STOX2: variants seen among roughly 807,000 people sequenced by gnomAD.
The protein encoded by STOX2 is storkhead box 2.
Under a neutral mutation model 60.9 loss-of-function variants are expected in STOX2, and 28 were observed. That is an observed-to-expected ratio of 0.46 (90% CI 0.34 to 0.63). The LOEUF (loss-of-function observed/expected upper bound fraction) is 0.63, where lower values mean the gene tolerates loss of function less well. Among genes scored for constraint, STOX2 ranks in the 30% least tolerant of loss-of-function variants. STOX2 has a pLI of 0.01. For synonymous variants in STOX2, 472 were observed against 463.9 expected (o/e 1.02, Z -0.22); for missense variants, 1,024 against 1,187.7 (o/e 0.86, Z 2.03).
chr4:183,999,505 ATCC>A (rs1297570427), intron 1 of STOX2, among the ~76,000 whole-genome samples: 1 of 152,064 alleles, frequency 6.6e-6, no homozygotes, highest in Non-Finnish European at 1.5e-5. Flanking sequence ...ACAACGTCTT[ATCC>A]TCCTCATATC....
intron 1 of STOX2, among the ~76,000 whole-genome samples, chr4:183,886,849 A>G (rs899787371): frequency 1.3e-5 from 2 of 152,182 alleles, no homozygotes; most frequent in Non-Finnish European, 2.9e-5. Flanking sequence ...CCTCCCACAG[A>G]TGTGCATTCA....
rs1446639591 is a variant in STOX2 at position 184,010,791 on chromosome 4, G to A, written c.1953G>A (p.Val651=). The change falls in exon 3 of 4, where the codon GTG becomes GTA. Residue 651 remains valine, a synonymous_variant. Transcript: ENST00000308497. This position sits in a 1 kb window ranked among gnomAD's most constrained non-coding sequence, Gnocchi z 4.5. ...TCCCCCACTCCTCCAGGGAGCCTGTGGGGCACAAGGAGGAGTCACCAAAAG... is the reference window on the plus strand; with the variant it reads ...TCCCCCACTCCTCCAGGGAGCCTGTAGGGCACAAGGAGGAGTCACCAAAAG... ...RQVPHSSREP[V]GHKEESPKGP... 5 of 1,580,424 alleles carry A rather than the reference G, an allele frequency of 3.2e-6. No individual in the cohort carries two copies. Among genetic ancestry groups the A allele is most frequent in the Non-Finnish European group, 4.3e-6 (5 of 1,164,396 alleles).
At position 183,849,838 on chromosome 4, in the gene STOX2, A is replaced by C. The variant is rs527927826; in HGVS notation, c.364+51783A>C. ...CAAGGGTTGTATTTATTTCCATTTC[A>C]TTTTATTGCCCCATGATTTTTTTCC... On this transcript the variant is annotated intron_variant, in intron 1 of 2. Transcript: ENST00000513034. Among the ~76,000 whole-genome samples the C allele has an allele frequency of 6.6e-5, 10 of 152,226 alleles. No individual in the cohort carries two copies. The East Asian group carries it at 1.9e-3, about 29-fold the overall frequency.
At chr4:183,970,779 C>G (rs1743720940) in intron 1 of STOX2, among the ~76,000 whole-genome samples, 1 of 152,232 alleles carries the variant, frequency 6.6e-6, no homozygotes, top group Non-Finnish European at 1.5e-5. Flanking sequence ...TAAACCTTTT[C>G]TTGCAAATCT....
intron 1 of STOX2, among the ~76,000 whole-genome samples, chr4:183,964,999 C>T (rs562901962): frequency 3.3e-5 from 5 of 152,332 alleles, no homozygotes; most frequent in South Asian, 2.1e-4. Flanking sequence ...TTTCTTATCA[C>T]GAAACAGTGC....
intron 1 of STOX2, among the ~76,000 whole-genome samples, chr4:183,920,354 C>T (rs763682383): frequency 2.0e-5 from 3 of 151,844 alleles, no homozygotes; most frequent in African/African-American, 4.8e-5. Context: ...GTGATCTGCC[C>T]GCCTTGGCCT....
rs369296969 is a variant in STOX2, at chr4:183,839,049, G to GCACA, written c.364+41013_364+41016dup. Among the ~76,000 whole-genome samples the GCACA allele has an allele frequency of 2.0e-3, 300 of 148,650 alleles. No homozygotes were observed. The Middle Eastern group carries it at 0.039, about 19-fold the overall frequency. On this transcript the variant is annotated intron_variant, in intron 1 of 2. Transcript: ENST00000513034. ...CACACACACACACACAGGTACACAT[G>GCACA]CACACACACACACACACACACAGAG...
At chr4:183,841,114 C>T (rs528171691) in intron 1 of STOX2, among the ~76,000 whole-genome samples, 8 of 152,274 alleles carry the variant, frequency 5.3e-5, no homozygotes, top group African/African-American at 1.2e-4. Flanking sequence ...GTGATCTGCC[C>T]GCCCCGACCT....
Position 183,957,298 on chromosome 4 carries a change from G to A in STOX2, c.167-44027G>A, listed in dbSNP as rs568093277. On this transcript the variant is annotated intron_variant, in intron 1 of 3. Transcript: ENST00000308497. ...ATTTCTCCATTGTCTTTTTCTTTTT[G>A]TAATTAAAAATAATCTGTTGATATT... Among the ~76,000 whole-genome samples the A allele has an allele frequency of 1.2e-3, 185 of 151,846 alleles. 1 individual carries two copies. Among genetic ancestry groups the A allele is most frequent in the Non-Finnish European group, 1.3e-3 (90 of 67,932 alleles).
At chr4:183,884,339 C>A in intron 1 of STOX2, among the ~76,000 whole-genome samples, 1 of 151,216 alleles carries the variant, frequency 6.6e-6, no homozygotes, top group South Asian at 2.1e-4. Context: ...GATGTGAATA[C>A]CTTGAGCTCC....
At chr4:183,852,240 A>G (rs1334435077) in intron 1 of STOX2, among the ~76,000 whole-genome samples, 18 of 145,840 alleles carry the variant, frequency 1.2e-4, no homozygotes, top group Non-Finnish European at 2.0e-4. Flanking sequence ...GATGAGGGAA[A>G]GGATGAGGGA....
At chr4:183,840,694 T>C (rs1396973915) in intron 1 of STOX2, among the ~76,000 whole-genome samples, 1 of 152,230 alleles carries the variant, frequency 6.6e-6, no homozygotes, top group Non-Finnish European at 1.5e-5. Flanking sequence ...ATAATTCTCA[T>C]ACTCTGAAGC....
At chr4:183,863,572 C>T (rs370556525) in intron 1 of STOX2, among the ~76,000 whole-genome samples, 1 of 138,546 alleles carries the variant, frequency 7.2e-6, no homozygotes, top group South Asian at 2.3e-4. Flanking sequence ...GTTAATTTGC[C>T]CTTTGAACTC....
chr4:183,812,445 A>T (rs1281045784), intron 1 of STOX2, among the ~76,000 whole-genome samples: 3 of 152,238 alleles, frequency 2.0e-5, no homozygotes, highest in Non-Finnish European at 4.4e-5. Context: ...AGATTTGTTT[A>T]AAAAAGTGCT....
intron 1 of STOX2, among the ~76,000 whole-genome samples, chr4:183,897,680 A>T (rs777443575): frequency 6.6e-6 from 1 of 152,248 alleles, no homozygotes; most frequent in Non-Finnish European, 1.5e-5. Context: ...GATGGCAGTA[A>T]TACACTTCAG....
chr4:183,846,967 TTTG>T (rs1740004031), intron 1 of STOX2, among the ~76,000 whole-genome samples: 1 of 152,238 alleles, frequency 6.6e-6, no homozygotes, highest in African/African-American at 2.4e-5. Flanking sequence ...AGAAACTAAT[TTTG>T]TTAAGTTCTG....
At chr4:183,841,509 C>T (rs572872109) in intron 1 of STOX2, among the ~76,000 whole-genome samples, 9 of 152,224 alleles carry the variant, frequency 5.9e-5, no homozygotes, top group East Asian at 5.8e-4. Flanking sequence ...CACTGTGCCA[C>T]GCCGTAGTAT....
chr4:183,984,179 T>G (rs1419699629), intron 1 of STOX2, among the ~76,000 whole-genome samples: 1 of 152,230 alleles, frequency 6.6e-6, no homozygotes, highest in Non-Finnish European at 1.5e-5. Flanking sequence ...ACACAAAACA[T>G]GCAAAAAGTA....
Position 183,950,487 on chromosome 4 carries a change from G to T in STOX2, c.166+43531G>T, listed in dbSNP as rs555510807. 4.0e-3 allele frequency among the ~76,000 whole-genome samples: 611 copies of T among 152,326 alleles called. 4 individuals carry two copies. The highest frequency in any genetic ancestry group is 0.014 in the African/African-American group (592 of 41,564). The stretch of plus-strand genomic sequence containing the variant: ...GCCAAGGGCAGCAGAAAGTAATGGG[G>T]AGCCAGTGTGGCTGGAGCTCCTGGG... On this transcript the variant is annotated intron_variant, in intron 1 of 3. Transcript: ENST00000308497.
Sources: allele counts gnomAD v4.1 joint callset (sites outside exome capture counted in the v4.1 genomes callset), GRCh38; gene constraint gnomAD v4.1.1; non-coding constraint Gnocchi (gnomAD v3.1); transcripts MANE v1.5; gene names NCBI Gene and HGNC (gene_info 2026-07-23, HGNC 2026-07-21).